The following DTNB variants were observed in gnomAD, a reference collection of about 807,000 sequenced individuals.
DTNB encodes the protein DTN-B.
Under a neutral mutation model 90.7 loss-of-function variants are expected in DTNB, and 63 were observed. The ratio of observed to expected loss-of-function variants is 0.69; its 90% CI spans 0.57 to 0.86. The LOEUF is 0.86. Ranked by LOEUF, DTNB falls within the 40% of genes least tolerant of loss-of-function variation. DTNB has a pLI of 0.00. For missense variants in DTNB, 744 were observed against 807.1 expected, an observed-to-expected ratio of 0.92 and a Z score of 0.95; for synonymous variants, 277 against 286.7, an observed-to-expected ratio of 0.97 and a Z score of 0.34.
At chr2:25,626,697 A>G (rs2074238992) in intron 4 of DTNB, among the ~76,000 whole-genome samples, 1 of 152,244 alleles carries the variant, frequency 6.6e-6, no homozygotes, top group South Asian at 2.1e-4. Flanking sequence ...GAGTGCTTAA[A>G]TTATGACTTG....
intron 16 of DTNB, among the ~76,000 whole-genome samples, chr2:25,400,426 G>A (rs968319253): frequency 2.0e-5 from 3 of 152,350 alleles, no homozygotes; most frequent in East Asian, 1.9e-4. Context: ...TCCGCTCAAC[G>A]CGAACCAGTC....
chr2:25,432,206 T>TACACAC (rs60610400), intron 14 of DTNB, among the ~76,000 whole-genome samples: 10,888 of 146,340 alleles, frequency 0.074, 409 homozygotes, highest in Non-Finnish European at 0.093. Flanking sequence ...GAAGAGTGCG[T>TACACAC]ACACACACAC....
At chr2:25,396,225 C>T (rs2042319118) in intron 16 of DTNB, among the ~76,000 whole-genome samples, 1 of 152,126 alleles carries the variant, frequency 6.6e-6, no homozygotes, top group South Asian at 2.1e-4. Flanking sequence ...TATGAGAATG[C>T]AAAGGTGTAA....
At chr2:25,634,256 C>T (rs2076561277) in intron 3 of DTNB, among the ~76,000 whole-genome samples, 2 of 129,186 alleles carry the variant, frequency 1.5e-5, no homozygotes, top group African/African-American at 5.6e-5. Context: ...GCCCCCCGCC[C>T]GGCCAGCCGC....
chr2:25,570,528 G>C (rs1431531951), intron 8 of DTNB, among the ~76,000 whole-genome samples: 1 of 151,688 alleles, frequency 6.6e-6, no homozygotes, highest in Non-Finnish European at 1.5e-5. Flanking sequence ...TACTTTAATC[G>C]GTTTTTGCCC....
chr2:25,462,659 A>C (rs2061152957), intron 10 of DTNB, among the ~76,000 whole-genome samples: 2 of 152,128 alleles, frequency 1.3e-5, no homozygotes, highest in African/African-American at 4.8e-5. Flanking sequence ...GGTACTTGTG[A>C]CCTATCAGAT....
chr2:25,474,389 ATC>A (rs1427388766), intron 10 of DTNB, among the ~76,000 whole-genome samples: 11 of 152,002 alleles, frequency 7.2e-5, no homozygotes, highest in African/African-American at 2.4e-4. Context: ...TCCTGAAACT[ATC>A]ATTAATTCTT....
At chr2:25,593,397 G>A (rs935427153) in intron 6 of DTNB, among the ~76,000 whole-genome samples, 2 of 152,100 alleles carry the variant, frequency 1.3e-5, no homozygotes, top group Non-Finnish European at 2.9e-5. Context: ...AAAAAGAAAC[G>A]CAAAACTCAT....
At chr2:25,451,442 C>T in intron 12 of DTNB, 106 bp downstream of exon 12, 1 of 1,214,110 alleles carries the variant, frequency 8.2e-7, no homozygotes, top group South Asian at 1.7e-5. Flanking sequence ...GAAAGTGTCC[C>T]CGAGGTACCT....
chr2:25,661,709 CA>C (rs1348822735), intron 1 of DTNB, among the ~76,000 whole-genome samples: 1 of 151,950 alleles, frequency 6.6e-6, no homozygotes, highest in East Asian at 1.9e-4. Flanking sequence ...ACAAAATTTA[CA>C]AAAATATAAT....
intron 6 of DTNB, among the ~76,000 whole-genome samples, chr2:25,591,656 A>G (rs1208735257): frequency 6.6e-6 from 1 of 152,220 alleles, no homozygotes; most frequent in African/African-American, 2.4e-5. Context: ...TTGGGGTGCT[A>G]TAACAATACT....
chr2:25,621,712 C>T (rs913180885), intron 4 of DTNB, among the ~76,000 whole-genome samples: 3 of 150,816 alleles, frequency 2.0e-5, no homozygotes, highest in Non-Finnish European at 4.4e-5. Flanking sequence ...CTGTCTCAGC[C>T]TCCCAAAGTG....
intron 4 of DTNB, among the ~76,000 whole-genome samples, chr2:25,627,759 CA>C (rs2074582138): frequency 7.2e-6 from 1 of 138,142 alleles, no homozygotes; most frequent in Admixed American, 7.6e-5. Flanking sequence ...TTTTTTAAGA[CA>C]ATGTCTCGCT....
At chr2:25,412,517 A>C (rs932546438) in intron 16 of DTNB, among the ~76,000 whole-genome samples, 2 of 152,236 alleles carry the variant, frequency 1.3e-5, no homozygotes, top group Non-Finnish European at 1.5e-5. Context: ...TCCTATCCTT[A>C]CATAACTTTT....
Position 25,529,829 on chromosome 2 carries a change from T to A in DTNB, c.1001+1644A>T, listed in dbSNP as rs147484298. Reference sequence around the variant, plus strand: ...TATTTGGCTTTATTAGATTTAACCCTTGATCAATCTCAGAAGACTTAGTTA... The same window carrying A: ...TATTTGGCTTTATTAGATTTAACCCATGATCAATCTCAGAAGACTTAGTTA... On this transcript the variant is annotated intron_variant, in intron 9 of 20. Transcript: ENST00000406818. 4.3e-3 allele frequency among the ~76,000 whole-genome samples: 652 copies of A among 152,266 alleles called. 4 individuals carry two copies. Among genetic ancestry groups the A allele is most frequent in the African/African-American group, 0.015 (613 of 41,566 alleles).
intron 12 of DTNB, 143 bp downstream of exon 12, chr2:25,451,405 C>G: frequency 1.2e-6 from 1 of 806,726 alleles, no homozygotes; most frequent in Non-Finnish European, 1.9e-6. Flanking sequence ...AGGAAGTTTC[C>G]TTCTACTCTT....
At chr2:25,404,394 A>G (rs1398085185) in intron 16 of DTNB, among the ~76,000 whole-genome samples, 2 of 152,092 alleles carry the variant, frequency 1.3e-5, no homozygotes, top group Admixed American at 1.3e-4. Context: ...CAGGCGGGGG[A>G]AAGTGCATGA....
At chr2:25,516,388 A>G (rs2075118664) in intron 9 of DTNB, among the ~76,000 whole-genome samples, 1 of 152,020 alleles carries the variant, frequency 6.6e-6, no homozygotes, top group African/African-American at 2.4e-5. Flanking sequence ...CTGGGACCAC[A>G]GGCATGCATC....
chr2:25,388,588 C>T, intron 16 of DTNB: 1 of 530,834 alleles, frequency 1.9e-6, no homozygotes, highest in Non-Finnish European at 3.2e-6. Context: ...ATCCTAAGAA[C>T]AAGACCAAGA....
Sources: allele counts gnomAD v4.1 joint callset (sites outside exome capture counted in the v4.1 genomes callset), GRCh38; gene constraint gnomAD v4.1.1; transcripts MANE v1.5; gene names NCBI Gene and HGNC (gene_info 2026-07-23, HGNC 2026-07-21).